SGIP1: variants seen among roughly 807,000 people sequenced by gnomAD.
SGIP1 encodes SH3GL interacting endocytic adaptor 1, also known as SH3-containing GRB2-like protein 3-interacting protein 1.
A neutral mutation model predicts 107.5 loss-of-function variants in SGIP1; 38 were observed. That is an observed-to-expected ratio of 0.35 (90% CI 0.27 to 0.46). The LOEUF (loss-of-function observed/expected upper bound fraction) is 0.46, where lower values mean the gene tolerates loss of function less well. Ranked by LOEUF, SGIP1 falls within the 20% of genes least tolerant of loss-of-function variation. The pLI is 1.00. For missense variants in SGIP1, 929 were observed against 1,019.5 expected (o/e 0.91, Z 1.21); for synonymous variants, 365 against 366.1 (o/e 1.00, Z 0.03).
intron 13 of SGIP1, 132 bp from the exon 14 acceptor site, chr1:66,679,546 T>G (rs753939797): frequency 8.7e-6 from 8 of 921,380 alleles, no homozygotes; most frequent in African/African-American, 1.7e-5. Context: ...TTCAAAGAAG[T>G]AGACCATTAA....
intron 5 of SGIP1, among the ~76,000 whole-genome samples, chr1:66,641,291 A>G (rs78693256): frequency 0.02 from 3,016 of 152,298 alleles, 101 homozygotes; most frequent in African/African-American, 0.068. Context: ...TATGCATATC[A>G]AAACATATTG....
rs71058468 is a variant in SGIP1 at position 66,631,681 on chromosome 1, T to TTCTCTCTC, written c.75-1349_75-1342dup. Among the ~76,000 whole-genome samples the TTCTCTCTC allele has an allele frequency of 1.6e-3, 206 of 132,214 alleles. 1 individual carries two copies. The highest frequency in any genetic ancestry group is 1.8e-3 in the African/African-American group (64 of 35,252). 86.7% of individuals were successfully genotyped at this position (132,214 alleles called of 152,430 possible). On this transcript the variant is annotated intron_variant, in intron 2 of 24. Coordinates refer to ENST00000371037, the MANE Select transcript of SGIP1 (RefSeq NM_032291.4). The stretch of plus-strand genomic sequence containing the variant: ...TCTCTCTCTCTTTCTCTCTCTCTCT[T>TTCTCTCTC]TCTCTCTCTCTCTCTCTCTCTCTCT...
intron 21 of SGIP1, among the ~76,000 whole-genome samples, chr1:66,737,415 G>A (rs1220380598): frequency 2.0e-5 from 3 of 152,162 alleles, no homozygotes; most frequent in East Asian, 3.8e-4. Flanking sequence ...GGCAAGGGCT[G>A]CGCACGGTGG....
At chr1:66,695,073 G>T in intron 17 of SGIP1, 1 of 403,408 alleles carries the variant, frequency 2.5e-6, no homozygotes, top group Non-Finnish European at 4.3e-6. Flanking sequence ...AAGATGAAAT[G>T]GATACAGCAA....
At chr1:66,549,279 T>G (rs1473720710) in intron 1 of SGIP1, among the ~76,000 whole-genome samples, 2 of 152,114 alleles carry the variant, frequency 1.3e-5, no homozygotes, top group African/African-American at 4.8e-5. Flanking sequence ...TACAAGCTTG[T>G]CAGCAACTAT....
At chr1:66,675,531 C>CTTTTTATT (rs1467845348) in intron 12 of SGIP1, among the ~76,000 whole-genome samples, 1 of 72,032 alleles carries the variant, frequency 1.4e-5, no homozygotes, top group African/African-American at 7.6e-5. Flanking sequence ...TTTTCTTTTT[C>CTTTTTATT]TTTTTCTTTC....
chr1:66,600,630 C>A (rs1570397495), intron 1 of SGIP1, among the ~76,000 whole-genome samples: 1 of 152,088 alleles, frequency 6.6e-6, no homozygotes, highest in Admixed American at 6.5e-5. Flanking sequence ...TGAAACAGTG[C>A]GCGATTAGAA....
At position 66,682,063 on chromosome 1, in the gene SGIP1, C is replaced by T. The variant is rs781666530; in HGVS notation, c.1009C>T (p.Pro337Ser). The T allele has an allele frequency of 6.2e-7, 1 of 1,614,220 alleles. No homozygotes were observed. Among genetic ancestry groups the T allele is most frequent in the Non-Finnish European group, 8.5e-7 (1 of 1,180,034 alleles). Reference sequence around the variant, plus strand: ...TCCAAGGGAAAAAGTGGTGTCCCCACCAGCTACACCAGACAACCCAGCTGA... The same window carrying T: ...TCCAAGGGAAAAAGTGGTGTCCCCATCAGCTACACCAGACAACCCAGCTGA... ...LTPREKVVSPPATPDNPADSP... is the reference protein window; with the variant it reads ...LTPREKVVSPSATPDNPADSP... The change falls in exon 15 of 25, where the codon CCA (proline) becomes TCA (serine). Residue 337 changes from proline to serine, a missense_variant. Pro to Ser is a moderately conservative substitution (Grantham distance 74, BLOSUM62 -1). Coordinates refer to ENST00000371037, the MANE Select transcript of SGIP1 (RefSeq NM_032291.4).
intron 1 of SGIP1, among the ~76,000 whole-genome samples, 193 bp from the exon 2 acceptor site, chr1:66,625,654 C>T (rs1441775348): frequency 3.3e-5 from 5 of 152,284 alleles, no homozygotes; most frequent in Non-Finnish European, 5.9e-5. Context: ...GGTATGAAGT[C>T]CTTGATAAGT....
At chr1:66,534,429 A>G in intron 1 of SGIP1, 61 bp downstream of exon 1, 8 of 1,589,774 alleles carry the variant, frequency 5.0e-6, no homozygotes, top group South Asian at 2.2e-5. Context: ...AACAGCATTA[A>G]AGAATATGTG....
At chr1:66,670,207 C>T (rs1237087559) in intron 9 of SGIP1, among the ~76,000 whole-genome samples, 1 of 152,226 alleles carries the variant, frequency 6.6e-6, no homozygotes, top group Admixed American at 6.5e-5. Context: ...AAGAACTTTT[C>T]ACAACTTCTG....
chr1:66,686,275 G>A (rs978518185), intron 15 of SGIP1, among the ~76,000 whole-genome samples: 7 of 152,110 alleles, frequency 4.6e-5, no homozygotes, highest in East Asian at 1.9e-4. Flanking sequence ...AAGTTGAAGC[G>A]GTAGACACAT....
At chr1:66,615,122 T>TTTTTG (rs370961608) in intron 1 of SGIP1, among the ~76,000 whole-genome samples, 16 of 150,470 alleles carry the variant, frequency 1.1e-4, no homozygotes, top group East Asian at 2.0e-4. Flanking sequence ...CCCCCGGCCT[T>TTTTTG]TTTTGTTTTG....
intron 1 of SGIP1, among the ~76,000 whole-genome samples, chr1:66,552,808 T>G (rs1334978301): frequency 6.6e-6 from 1 of 152,108 alleles, no homozygotes; most frequent in Non-Finnish European, 1.5e-5. Flanking sequence ...ATTTCCATGA[T>G]AAGAGGTAAT....
chr1:66,622,132 T>C (rs2149276996), intron 1 of SGIP1, among the ~76,000 whole-genome samples: 1 of 152,276 alleles, frequency 6.6e-6, no homozygotes, highest in African/African-American at 2.4e-5. Context: ...CAGAAAAGGA[T>C]ATAGAATTGC....
At chr1:66,712,305 C>T (rs1213693077) in intron 18 of SGIP1, among the ~76,000 whole-genome samples, 2 of 152,154 alleles carry the variant, frequency 1.3e-5, no homozygotes, top group Non-Finnish European at 2.9e-5. Context: ...ACTGAAAATA[C>T]GTTGTCTTCA....
chr1:66,551,611 GAAA>G (rs995693031), intron 1 of SGIP1, among the ~76,000 whole-genome samples: 11 of 152,084 alleles, frequency 7.2e-5, no homozygotes, highest in Admixed American at 6.6e-4. Context: ...ATACATTTAA[GAAA>G]TATGTAAAAA....
At chr1:66,581,395 A>C (rs1477044693) in intron 1 of SGIP1, among the ~76,000 whole-genome samples, 1 of 152,050 alleles carries the variant, frequency 6.6e-6, no homozygotes, top group Non-Finnish European at 1.5e-5. Context: ...TTATGATGTA[A>C]CCATAAAACC....
At chr1:66,611,877 A>G (rs1286247330) in intron 1 of SGIP1, among the ~76,000 whole-genome samples, 1 of 152,204 alleles carries the variant, frequency 6.6e-6, no homozygotes, top group African/African-American at 2.4e-5. Flanking sequence ...GCTTTAGTTT[A>G]TACATGCCTC....
Sources: gnomAD v4.1 joint callset for allele counts (sites outside exome capture counted in the v4.1 genomes callset) on GRCh38, gnomAD v4.1.1 for gene constraint, MANE v1.5 for transcripts, NCBI Gene and HGNC (gene_info 2026-07-23, HGNC 2026-07-21) for gene names.